NCOA2: variants seen among roughly 807,000 people sequenced by gnomAD.
The protein encoded by NCOA2 is nuclear receptor coactivator 2.
A neutral mutation model predicts 145.1 loss-of-function variants in NCOA2; 21 were observed. That is an observed-to-expected ratio of 0.14 (90% CI 0.10 to 0.21). The LOEUF is 0.21. Ranked by LOEUF, NCOA2 falls within the 10% of genes least tolerant of loss-of-function variation. The probability of loss-of-function intolerance (pLI) is 1.00; values close to 1 mark genes in which losing one functional copy is unlikely to be tolerated. For missense variants in NCOA2, 1,472 were observed against 1,837.6 expected (o/e 0.80, Z 3.64); for synonymous variants, 619 against 637.5 (o/e 0.97, Z 0.44).
At chr8:70,192,450 T>C (rs1236645750) in intron 4 of NCOA2, among the ~76,000 whole-genome samples, 1 of 152,232 alleles carries the variant, frequency 6.6e-6, no homozygotes, top group African/African-American at 2.4e-5. Flanking sequence ...CCTGAGCCCT[T>C]AGTAGCTCCT....
chr8:70,380,736 C>T (rs1586644058), intron 1 of NCOA2, among the ~76,000 whole-genome samples: 1 of 151,936 alleles, frequency 6.6e-6, no homozygotes, highest in East Asian at 1.9e-4. Context: ...TTCGAGTGAG[C>T]ATTTGTTAAT....
intron 1 of NCOA2, among the ~76,000 whole-genome samples, chr8:70,393,048 T>G (rs1384031470): frequency 6.6e-6 from 1 of 152,046 alleles, no homozygotes; most frequent in African/African-American, 2.4e-5. Flanking sequence ...AGACATTGCC[T>G]CCCCTCACTC....
At chr8:70,441,202 G>A in the NCOA2 span, among the ~76,000 whole-genome samples, 1 of 149,298 alleles carries the variant, frequency 6.7e-6, no homozygotes, top group Non-Finnish European at 1.5e-5. Context: ...CAGGGTCATG[G>A]TCACATGTGG....
intron 2 of NCOA2, among the ~76,000 whole-genome samples, chr8:70,290,844 A>C (rs150839358): frequency 6.6e-6 from 1 of 152,156 alleles, no homozygotes; most frequent in East Asian, 1.9e-4. Context: ...TGTTTGATGG[A>C]AACAGCCTGA....
chr8:70,204,642 G>T (rs996400080), intron 4 of NCOA2, among the ~76,000 whole-genome samples: 3 of 152,286 alleles, frequency 2.0e-5, no homozygotes, highest in Non-Finnish European at 4.4e-5. Context: ...CCAGGAATCA[G>T]AAAAATCCAA....
chr8:70,167,977 T>C (rs1224456053), intron 6 of NCOA2, among the ~76,000 whole-genome samples: 5 of 152,254 alleles, frequency 3.3e-5, no homozygotes, highest in African/African-American at 1.2e-4. Context: ...TTCTTTTCTA[T>C]ATCATTCCTT....
chr8:70,246,823 G>T (rs1274880055), intron 2 of NCOA2, among the ~76,000 whole-genome samples: 1 of 151,890 alleles, frequency 6.6e-6, no homozygotes, highest in Admixed American at 6.6e-5. Context: ...ATTTTCTTTT[G>T]TGTGTAGATA....
At chr8:70,234,307 T>C (rs1341795866) in intron 2 of NCOA2, among the ~76,000 whole-genome samples, 1 of 152,254 alleles carries the variant, frequency 6.6e-6, no homozygotes, top group African/African-American at 2.4e-5. Flanking sequence ...TTATGAATAA[T>C]GCTATCATGG....
intron 1 of NCOA2, among the ~76,000 whole-genome samples, chr8:70,369,715 C>G (rs1262691553): frequency 6.6e-6 from 1 of 152,142 alleles, no homozygotes; most frequent in Non-Finnish European, 1.5e-5. Flanking sequence ...ATGCTATTAC[C>G]TACTTCCTAG....
rs758478896 is a variant in NCOA2, at chr8:70,128,682, G to A, written c.3603+20C>T. On this transcript the variant is annotated intron_variant, in intron 17 of 22. Transcript: ENST00000452400. ...TCCACCCAGCACCCCTGACTTCCCA[G>A]GTGCCATCGAAGAACAGACCTGCTG... The A allele has an allele frequency of 6.2e-7, 1 of 1,610,334 alleles. No individual in the cohort carries two copies. The highest frequency in any genetic ancestry group is 8.5e-7 in the Non-Finnish European group (1 of 1,178,196).
chr8:70,138,176 T>C (rs1035163834), intron 15 of NCOA2, 27 bp downstream of exon 15: 1 of 1,589,040 alleles, frequency 6.3e-7, no homozygotes, highest in African/African-American at 1.4e-5. Context: ...ATAAAATAAC[T>C]GGCTACCCTA....
chr8:70,115,104 T>A (rs1396143857), intron 22 of NCOA2, among the ~76,000 whole-genome samples: 1 of 152,230 alleles, frequency 6.6e-6, no homozygotes, highest in African/African-American at 2.4e-5. Context: ...ACCCTCAATT[T>A]TCCAGTTAGT....
Position 70,121,365 on chromosome 8 carries a change from G to A in NCOA2, c.4320C>T (p.Gly1440=), listed in dbSNP as rs1255999246. ...EQVNDPALRG[G]NLFPNQLPGM... is the part of the protein sequence containing the mutation. ...CAGGCAGCTGGTTTGGGAACAGGTT[G>A]CCTCCCCTCAGAGCAGGATCATTAA... is the stretch of plus-strand genomic sequence containing the variant. Residue 1440 remains glycine, a synonymous_variant, in exon 22 of 23, where the codon GGC becomes GGT. Transcript: ENST00000452400. The A allele has an allele frequency of 6.2e-7, 1 of 1,612,454 alleles. No individual in the cohort carries two copies. The highest frequency in any genetic ancestry group is 1.3e-5 in the African/African-American group (1 of 74,918).
At chr8:70,138,034 G>A in intron 15 of NCOA2, 169 bp downstream of exon 15, 1 of 591,450 alleles carries the variant, frequency 1.7e-6, no homozygotes, top group Non-Finnish European at 2.8e-6. Flanking sequence ...TTAAAGGTAT[G>A]TCCTAGGTCA....
intron 4 of NCOA2, among the ~76,000 whole-genome samples, chr8:70,191,427 T>C (rs1816662238): frequency 6.6e-6 from 1 of 152,220 alleles, no homozygotes; most frequent in African/African-American, 2.4e-5. Flanking sequence ...TATCCACTCC[T>C]CAAGCTGCAC....
chr8:70,390,499 C>T (rs1368535280), intron 1 of NCOA2, among the ~76,000 whole-genome samples: 2 of 152,056 alleles, frequency 1.3e-5, no homozygotes, highest in African/African-American at 4.8e-5. Context: ...AGGCACAGTG[C>T]CTCACACCTA....
At chr8:70,159,242 ATTT>A (rs763150293) in intron 10 of NCOA2, among the ~76,000 whole-genome samples, 1 of 61,078 alleles carries the variant, frequency 1.6e-5, no homozygotes, top group East Asian at 2.9e-4. Flanking sequence ...ATATATATAT[ATTT>A]TTTTTTTTTT....
At chr8:70,442,668 C>T in the NCOA2 span, among the ~76,000 whole-genome samples, 1 of 152,238 alleles carries the variant, frequency 6.6e-6, no homozygotes. Flanking sequence ...CCAACAGCTA[C>T]TGACCTCTGA....
At chr8:70,145,188 G>A (rs140138813) in intron 12 of NCOA2, among the ~76,000 whole-genome samples, 21 of 151,762 alleles carry the variant, frequency 1.4e-4, no homozygotes, top group South Asian at 2.1e-4. Flanking sequence ...ACAGAGTTTC[G>A]CTCTTGTTGC....
Sources: allele counts gnomAD v4.1 joint callset (sites outside exome capture counted in the v4.1 genomes callset), GRCh38; gene constraint gnomAD v4.1.1; transcripts MANE v1.5; gene names NCBI Gene and HGNC (gene_info 2026-07-23, HGNC 2026-07-21).